Variants in CSGALNACT1 observed in about 807,000 individuals in gnomAD.
CSGALNACT1 encodes the protein chondroitin sulfate N-acetylgalactosaminyltransferase 1.
CSGALNACT1 carries 52 observed loss-of-function variants against 51.0 expected under a neutral mutation model. The observed-to-expected ratio is 1.02, with a 90% confidence interval of 0.82 to 1.29. CSGALNACT1 has a LOEUF of 1.29. Ranked by LOEUF, CSGALNACT1 falls within the 50% of genes most tolerant of loss-of-function variation. CSGALNACT1 has a pLI of 0.00. For missense variants in CSGALNACT1, 935 were observed against 679.2 expected (o/e 1.38, Z -4.19); for synonymous variants, 341 against 254.4 (o/e 1.34, Z -3.24).
chr8:19,495,389 A>G (rs1394459527), intron 4 of CSGALNACT1, among the ~76,000 whole-genome samples: 1 of 152,238 alleles, frequency 6.6e-6, no homozygotes, highest in African/African-American at 2.4e-5. Context: ...TCCTCAGACC[A>G]GCCCATAAAA....
chr8:19,684,891 T>G (rs1350901600), upstream of CSGALNACT1, among the ~76,000 whole-genome samples: 1 of 152,252 alleles, frequency 6.6e-6, no homozygotes, highest in African/African-American at 2.4e-5. Context: ...ATATCCATGT[T>G]GTATGCTTTC....
chr8:19,509,394 C>T (rs2078013788), intron 3 of CSGALNACT1, among the ~76,000 whole-genome samples: 1 of 151,900 alleles, frequency 6.6e-6, no homozygotes, highest in Admixed American at 6.6e-5. Flanking sequence ...CCAAGACTGG[C>T]AGATCATTTA....
chr8:19,659,945 A>C (rs1393834519), intron 1 of CSGALNACT1, among the ~76,000 whole-genome samples: 1 of 152,214 alleles, frequency 6.6e-6, no homozygotes, highest in African/African-American at 2.4e-5. Flanking sequence ...CCGAATACTT[A>C]TTATATGCTA....
chr8:19,590,035 G>C (rs962882685), intron 3 of CSGALNACT1, among the ~76,000 whole-genome samples: 1 of 152,182 alleles, frequency 6.6e-6, no homozygotes, highest in African/African-American at 2.4e-5. Context: ...TATTATAAAT[G>C]AAAGAAAGAA....
intron 1 of CSGALNACT1, among the ~76,000 whole-genome samples, chr8:19,655,552 A>ACATC (rs2058187426): frequency 2.6e-5 from 1 of 38,566 alleles, no homozygotes; most frequent in African/African-American, 8.1e-5. Context: ...CTATATGCAC[A>ACATC]TATATATACA....
At chr8:19,739,039 A>G (rs186910810) in intron 1 of CSGALNACT1, among the ~76,000 whole-genome samples, 5 of 152,214 alleles carry the variant, frequency 3.3e-5, no homozygotes, top group African/African-American at 1.2e-4. Context: ...TGGTCTGGGT[A>G]TTCAGTAATT....
chr8:19,621,996 C>T lies in CSGALNACT1; in HGVS notation c.-543-20131G>A, dbSNP rs371019165. 9.2e-5 allele frequency among the ~76,000 whole-genome samples: 14 copies of T among 152,258 alleles called. No individual in the cohort carries two copies. The East Asian group carries it at 2.7e-3, about 29-fold the overall frequency. ...CTTAAGCCTACACAACAAACAATAA[C>T]TCAAGTCCTGGTATGTAGTCGATAC... is the stretch of plus-strand genomic sequence containing the variant. On this transcript the variant is annotated intron_variant, in intron 1 of 9. Coordinates refer to the CSGALNACT1 transcript ENST00000332246.
intron 3 of CSGALNACT1, among the ~76,000 whole-genome samples, chr8:19,538,335 T>G (rs2154066633): frequency 6.6e-6 from 1 of 151,268 alleles, no homozygotes; most frequent in African/African-American, 2.4e-5. Context: ...AAGGGAAAAA[T>G]AAAAACCCTC....
chr8:19,649,487 T>C (rs1229704664), intron 1 of CSGALNACT1, among the ~76,000 whole-genome samples: 3 of 152,176 alleles, frequency 2.0e-5, no homozygotes, highest in African/African-American at 7.2e-5. Context: ...TGAATGCTGC[T>C]GTATATCATG....
chr8:19,729,191 C>G (rs952743175), intron 1 of CSGALNACT1, among the ~76,000 whole-genome samples: 18 of 151,922 alleles, frequency 1.2e-4, no homozygotes, highest in African/African-American at 4.1e-4. Flanking sequence ...TTAATACATA[C>G]ACTCAGAAGT....
chr8:19,485,410 C>T (rs1182463953), intron 4 of CSGALNACT1, among the ~76,000 whole-genome samples: 1 of 152,070 alleles, frequency 6.6e-6, no homozygotes, highest in Non-Finnish European at 1.5e-5. Context: ...CCTAAGCCCC[C>T]AAGTCACTCA....
chr8:19,426,085 C>A (rs1427192517), intron 6 of CSGALNACT1, among the ~76,000 whole-genome samples: 1 of 152,148 alleles, frequency 6.6e-6, no homozygotes, highest in Non-Finnish European at 1.5e-5. Flanking sequence ...TTTTTTTCTA[C>A]CTTCAGAGAT....
chr8:19,636,777 G>A (rs1234764945), intron 1 of CSGALNACT1, among the ~76,000 whole-genome samples: 3 of 152,098 alleles, frequency 2.0e-5, no homozygotes, highest in African/African-American at 2.4e-5. Flanking sequence ...GTTTTGTAAC[G>A]TTTTTTACCT....
intron 1 of CSGALNACT1, among the ~76,000 whole-genome samples, chr8:19,647,426 T>G (rs1185643475): frequency 2.0e-5 from 3 of 152,126 alleles, no homozygotes; most frequent in Non-Finnish European, 4.4e-5. Context: ...CAAAAAATAT[T>G]TAAGCAAATA....
intron 4 of CSGALNACT1, among the ~76,000 whole-genome samples, chr8:19,496,347 G>T (rs1361317390): frequency 6.6e-6 from 1 of 152,136 alleles, no homozygotes; most frequent in Admixed American, 6.5e-5. Context: ...CAGATTTGGG[G>T]TGTTACCACA....
At chr8:19,440,848 C>G (rs1358695802) in intron 5 of CSGALNACT1, among the ~76,000 whole-genome samples, 1 of 152,148 alleles carries the variant, frequency 6.6e-6, no homozygotes, top group Non-Finnish European at 1.5e-5. Flanking sequence ...TCTCCCTAAG[C>G]TGATAAGCAA....
chr8:19,593,207 T>C (rs943531371), intron 2 of CSGALNACT1, among the ~76,000 whole-genome samples: 1 of 152,210 alleles, frequency 6.6e-6, no homozygotes, highest in African/African-American at 2.4e-5. Flanking sequence ...TCACTGTCAA[T>C]CAATAGTGTG....
intron 1 of CSGALNACT1, among the ~76,000 whole-genome samples, chr8:19,622,879 A>T (rs1157882971): frequency 6.6e-6 from 1 of 152,204 alleles, no homozygotes; most frequent in Non-Finnish European, 1.5e-5. Flanking sequence ...CTAAATCTGT[A>T]ATTCTATTAA....
At chr8:19,642,702 T>C (rs2056864847) in intron 1 of CSGALNACT1, among the ~76,000 whole-genome samples, 1 of 151,744 alleles carries the variant, frequency 6.6e-6, no homozygotes, top group South Asian at 2.1e-4. Flanking sequence ...GAGAGGATCG[T>C]TTGGGCCCAG....
Sources: allele counts gnomAD v4.1 joint callset (sites outside exome capture counted in the v4.1 genomes callset), GRCh38; gene constraint gnomAD v4.1.1; transcripts MANE v1.5; gene names NCBI Gene and HGNC (gene_info 2026-07-23, HGNC 2026-07-21).